LDLRAD4: variants seen among roughly 807,000 people sequenced by gnomAD.
LDLRAD4 encodes low density lipoprotein receptor class A domain containing 4.
In LDLRAD4, 5 loss-of-function variants were observed where a neutral mutation model predicts 17.0. The observed-to-expected ratio is 0.29, with a 90% CI of 0.15 to 0.62. The LOEUF (loss-of-function observed/expected upper bound fraction) is 0.62, where lower values mean the gene tolerates loss of function less well. Ranked by LOEUF, LDLRAD4 falls within the 20% of genes least tolerant of loss-of-function variation. The probability of loss-of-function intolerance (pLI) is 0.84; values close to 1 mark genes in which losing one functional copy is unlikely to be tolerated. For missense variants in LDLRAD4, 340 were observed against 424.7 expected (o/e 0.80, Z 1.75); for synonymous variants, 168 against 171.8 (o/e 0.98, Z 0.17).
chr18:13,271,276 A>G (rs1433876510), intron 1 of LDLRAD4, among the ~76,000 whole-genome samples: 2 of 152,230 alleles, frequency 1.3e-5, no homozygotes, highest in Non-Finnish European at 2.9e-5. Flanking sequence ...GACTGTAACC[A>G]AAATGATTTC....
intron 2 of LDLRAD4, among the ~76,000 whole-genome samples, chr18:13,414,457 AGTGCATTTGATGCCAGGCT>A (rs1482517565): frequency 2.6e-5 from 4 of 152,260 alleles, no homozygotes; most frequent in Non-Finnish European, 5.9e-5. Context: ...CAGACACTGG[AGTGCATTTGATGCCAGGCT>A]GTGGAATTTG....
intron 3 of LDLRAD4, among the ~76,000 whole-genome samples, chr18:13,549,167 TA>T: frequency 6.6e-6 from 1 of 152,268 alleles, no homozygotes; most frequent in South Asian, 2.1e-4. Context: ...AAAAGCTGTG[TA>T]AAGATGAGAA....
chr18:13,443,860 G>A (rs533076055), intron 3 of LDLRAD4, among the ~76,000 whole-genome samples: 7 of 152,272 alleles, frequency 4.6e-5, no homozygotes, highest in African/African-American at 7.2e-5. Flanking sequence ...TTCCTGCCAC[G>A]TGGTAGGTAA....
chr18:13,380,532 G>A (rs1350788420), intron 1 of LDLRAD4, among the ~76,000 whole-genome samples: 1 of 152,210 alleles, frequency 6.6e-6, no homozygotes, highest in South Asian at 2.1e-4. Flanking sequence ...GACTCCTTGC[G>A]GCTTCCTCTG....
intron 3 of LDLRAD4, among the ~76,000 whole-genome samples, chr18:13,579,642 A>G (rs2094828047): frequency 6.6e-6 from 1 of 152,240 alleles, no homozygotes; most frequent in South Asian, 2.1e-4. Flanking sequence ...TGGTGGAGAC[A>G]TATCACTGGA....
chr18:13,600,554 G>T (rs1445977388), intron 3 of LDLRAD4, among the ~76,000 whole-genome samples: 2 of 152,138 alleles, frequency 1.3e-5, no homozygotes, highest in Admixed American at 6.5e-5. Flanking sequence ...AGACTTCCAG[G>T]GCATTCAGCT....
At chr18:13,415,460 C>T (rs1449767628) in intron 2 of LDLRAD4, among the ~76,000 whole-genome samples, 11 of 146,936 alleles carry the variant, frequency 7.5e-5, no homozygotes, top group Admixed American at 6.7e-4. Flanking sequence ...GCCAAGGCCC[C>T]GGCTACTCTA....
intron 3 of LDLRAD4, chr18:13,612,639 G>A: frequency 1.2e-6 from 2 of 1,611,790 alleles, no homozygotes; most frequent in Non-Finnish European, 1.7e-6. Flanking sequence ...GCCGGAAGCT[G>A]AAGGGATGCT....
intron 3 of LDLRAD4, among the ~76,000 whole-genome samples, chr18:13,597,606 G>T (rs2095111363): frequency 1.3e-5 from 2 of 150,630 alleles, no homozygotes; most frequent in African/African-American, 2.4e-5. Flanking sequence ...GGCTCTACTT[G>T]TTTCTCTTCA....
chr18:13,425,446 A>G (rs1568132656), intron 2 of LDLRAD4, among the ~76,000 whole-genome samples: 2 of 152,190 alleles, frequency 1.3e-5, no homozygotes, highest in African/African-American at 2.4e-5. Context: ...CCACAGAGAT[A>G]GTATTGAGAA....
At position 13,560,648 on chromosome 18, in the gene LDLRAD4, A is replaced by C. The variant is rs188922241; in HGVS notation, c.182-60469A>C. Among the ~76,000 whole-genome samples, 221 of 152,350 alleles carry C rather than the reference A, an allele frequency of 1.5e-3. 1 individual carries two copies. The highest frequency in any genetic ancestry group is 4.9e-3 in the African/African-American group (204 of 41,580). On this transcript the variant is annotated intron_variant, in intron 3 of 5. Transcript: ENST00000359446. ...TTTTTGACTTTAATCTTTTCTGAGA[A>C]GACCAGAAATCAGAGAGTTTGTCTT...
At chr18:13,431,285 T>G (rs922114840) in intron 2 of LDLRAD4, among the ~76,000 whole-genome samples, 5 of 152,224 alleles carry the variant, frequency 3.3e-5, no homozygotes, top group African/African-American at 9.6e-5. Context: ...TTCCAAGAGT[T>G]TGAAAGGGGG....
At chr18:13,450,335 C>CA (rs796931027) in intron 3 of LDLRAD4, among the ~76,000 whole-genome samples, 2 of 125,756 alleles carry the variant, frequency 1.6e-5, no homozygotes, top group Non-Finnish European at 1.8e-5. Context: ...CACCCCCCCC[C>CA]CCAAAAAAAC....
intron 3 of LDLRAD4, among the ~76,000 whole-genome samples, chr18:13,511,844 C>T (rs2093785522): frequency 6.6e-6 from 1 of 152,192 alleles, no homozygotes; most frequent in South Asian, 2.1e-4. Flanking sequence ...ACCTTGGCCT[C>T]CTCTCTGTTT....
chr18:13,627,189 A>G (rs2041246811), intron 4 of LDLRAD4, among the ~76,000 whole-genome samples: 1 of 152,182 alleles, frequency 6.6e-6, no homozygotes, highest in African/African-American at 2.4e-5. Context: ...GAGAATCTGG[A>G]GGCAGAGGTT....
chr18:13,514,741 A>T (rs1359822516), intron 3 of LDLRAD4: 1 of 152,228 alleles, frequency 6.6e-6, no homozygotes, highest in Non-Finnish European at 1.5e-5. Flanking sequence ...GCTTAATGCA[A>T]TGCAGCTTGA....
At chr18:13,574,445 G>GGCA (rs1483104876) in intron 3 of LDLRAD4, among the ~76,000 whole-genome samples, 1 of 152,140 alleles carries the variant, frequency 6.6e-6, no homozygotes, top group African/African-American at 2.4e-5. Context: ...TCCTCACCAT[G>GGCA]GCAGCAGCTC....
intron 2 of LDLRAD4, among the ~76,000 whole-genome samples, chr18:13,411,506 C>CA (rs905806638): frequency 3.9e-5 from 6 of 152,110 alleles, no homozygotes; most frequent in African/African-American, 1.4e-4. Context: ...GAGAGGGACC[C>CA]AGTTGGAGGT....
At chr18:13,377,527 C>G (rs1352360924) in intron 1 of LDLRAD4, among the ~76,000 whole-genome samples, 2 of 152,164 alleles carry the variant, frequency 1.3e-5, no homozygotes, top group African/African-American at 2.4e-5. Flanking sequence ...TCTTCTGGTT[C>G]CCTTAAGTGG....
Sources: gnomAD v4.1 joint callset for allele counts (sites outside exome capture counted in the v4.1 genomes callset) on GRCh38, gnomAD v4.1.1 for gene constraint, MANE v1.5 for transcripts, NCBI Gene and HGNC (gene_info 2026-07-23, HGNC 2026-07-21) for gene names.